The following ANKFN1 variants were observed in gnomAD, a reference collection of about 807,000 sequenced individuals.
ANKFN1 encodes the protein ankyrin repeat and fibronectin type III domain containing 1.
A neutral mutation model predicts 108.7 loss-of-function variants in ANKFN1; 74 were observed. That is an observed-to-expected ratio of 0.68 (90% CI 0.56 to 0.83). The LOEUF (loss-of-function observed/expected upper bound fraction) is 0.83, where lower values mean the gene tolerates loss of function less well. Ranked by LOEUF, ANKFN1 falls within the 40% of genes least tolerant of loss-of-function variation. The probability of loss-of-function intolerance (pLI) is 0.00; values close to 1 mark genes in which losing one functional copy is unlikely to be tolerated. For synonymous variants in ANKFN1, 547 were observed against 516.2 expected, an observed-to-expected ratio of 1.06 and a Z score of -0.81; for missense variants, 1,505 against 1,382.3, an observed-to-expected ratio of 1.09 and a Z score of -1.41.
intron 8 of ANKFN1, among the ~76,000 whole-genome samples, chr17:56,404,345 G>A (rs1299182567): frequency 6.6e-6 from 1 of 152,026 alleles, no homozygotes; most frequent in Non-Finnish European, 1.5e-5. Flanking sequence ...CTTCTTGGAG[G>A]CCTTGTTCAT....
chr17:56,428,998 C>G (rs2048667312), intron 8 of ANKFN1, among the ~76,000 whole-genome samples: 1 of 151,798 alleles, frequency 6.6e-6, no homozygotes, highest in Non-Finnish European at 1.5e-5. Flanking sequence ...GAGTTAGGTG[C>G]AGAGTCTGCA....
At chr17:56,246,699 T>C (rs139219446) in intron 3 of ANKFN1, among the ~76,000 whole-genome samples, 1 of 151,642 alleles carries the variant, frequency 6.6e-6, no homozygotes, top group East Asian at 1.9e-4. Context: ...TACAATTCCA[T>C]AAAAAAACAA....
intron 1 of ANKFN1, among the ~76,000 whole-genome samples, chr17:56,169,094 A>T (rs1229585525): frequency 6.6e-6 from 1 of 152,124 alleles, no homozygotes; most frequent in Non-Finnish European, 1.5e-5. Context: ...AGAGAGCATC[A>T]AAGAGGCATA....
rs2051729933 is a variant in ANKFN1, at chr17:56,510,830, A to C, written c.3002A>C (p.Lys1001Thr). ...CCGCTAGGCTTCCTGGGAAAGCGGAAGCCAGGCAAGCACCCCCACTATGGC... is the reference window on the plus strand; with the variant it reads ...CCGCTAGGCTTCCTGGGAAAGCGGACGCCAGGCAAGCACCCCCACTATGGC... The part of the protein sequence containing the change: ...RPPLGFLGKR[K>T]PGKHPHYGGF... Residue 1001 changes from lysine (K) to threonine (T), a missense_variant, in exon 21 of 21, where the codon AAG (lysine) becomes ACG (threonine). Transcript: ENST00000682825. The C allele has an allele frequency of 2.0e-6, 3 of 1,536,040 alleles. No individual in the cohort carries two copies. Among genetic ancestry groups the C allele is most frequent in the Non-Finnish European group, 2.6e-6 (3 of 1,146,916 alleles).
intron 16 of ANKFN1, 41 bp from the exon 17 acceptor site, chr17:56,480,627 C>A (rs769885473): frequency 1.4e-5 from 23 of 1,605,434 alleles, no homozygotes; most frequent in South Asian, 5.5e-5. Flanking sequence ...GTGTTCTGAA[C>A]TTTTGTTATA....
At chr17:56,047,559 T>C (rs1307503791) in intron 4 of ANKFN1, among the ~76,000 whole-genome samples, 2 of 152,088 alleles carry the variant, frequency 1.3e-5, no homozygotes, top group Non-Finnish European at 2.9e-5. Context: ...CAAGTTGCTA[T>C]GGGACATAAA....
intron 1 of ANKFN1, among the ~76,000 whole-genome samples, chr17:56,154,635 C>CAA (rs1908917286): frequency 7.2e-6 from 1 of 139,274 alleles, no homozygotes; most frequent in African/African-American, 2.6e-5. Context: ...AACCAATATG[C>CAA]CAACACCAAA....
chr17:56,160,946 G>T (rs930017273), intron 1 of ANKFN1, among the ~76,000 whole-genome samples: 1 of 152,226 alleles, frequency 6.6e-6, no homozygotes, highest in Admixed American at 6.5e-5. Context: ...GAACCTTGGG[G>T]TGTGAAGTTG....
chr17:56,210,970 C>G (rs1277082986), intron 1 of ANKFN1, among the ~76,000 whole-genome samples: 8 of 152,188 alleles, frequency 5.3e-5, no homozygotes, highest in Non-Finnish European at 1.2e-4. Context: ...GACACAGAGC[C>G]AAACCATATC....
intron 3 of ANKFN1, among the ~76,000 whole-genome samples, chr17:56,259,284 T>C (rs951489375): frequency 6.6e-6 from 1 of 152,166 alleles, no homozygotes; most frequent in African/African-American, 2.4e-5. Flanking sequence ...ATTTACAAAC[T>C]CTGTAATATT....
At chr17:56,340,381 G>A (rs1279547792) in intron 4 of ANKFN1, among the ~76,000 whole-genome samples, 2 of 152,020 alleles carry the variant, frequency 1.3e-5, no homozygotes, top group Non-Finnish European at 2.9e-5. Context: ...ATTTGCCCAT[G>A]CCTATGTCCT....
At chr17:56,121,956 G>A (rs976991651) in intron 4 of ANKFN1, among the ~76,000 whole-genome samples, 3 of 152,156 alleles carry the variant, frequency 2.0e-5, no homozygotes, top group African/African-American at 7.2e-5. Flanking sequence ...GGGTTGCTGG[G>A]GGGAGGTAGT....
At chr17:56,162,524 G>T (rs921166837) in intron 1 of ANKFN1, among the ~76,000 whole-genome samples, 1 of 152,164 alleles carries the variant, frequency 6.6e-6, no homozygotes, top group African/African-American at 2.4e-5. Context: ...TCATATTGGA[G>T]TAGGGTCCAC....
At chr17:56,107,184 G>A (rs1262889228) in intron 4 of ANKFN1, among the ~76,000 whole-genome samples, 8 of 152,284 alleles carry the variant, frequency 5.3e-5, no homozygotes, top group Middle Eastern at 3.4e-3. Context: ...CAGGAGTTTG[G>A]GCGCTGGCTG....
At chr17:56,334,419 A>T (rs1394511064) in intron 4 of ANKFN1, among the ~76,000 whole-genome samples, 1 of 152,160 alleles carries the variant, frequency 6.6e-6, no homozygotes, top group Non-Finnish European at 1.5e-5. Context: ...AAATGGTTTC[A>T]TGAGTGAACA....
chr17:56,374,976 A>G (rs960395159), intron 8 of ANKFN1, among the ~76,000 whole-genome samples: 1 of 152,156 alleles, frequency 6.6e-6, no homozygotes, highest in South Asian at 2.1e-4. Context: ...TTTGCAGAGG[A>G]CTTGCTCTAT....
At chr17:56,383,435 C>T (rs906500970) in intron 8 of ANKFN1, among the ~76,000 whole-genome samples, 1 of 151,982 alleles carries the variant, frequency 6.6e-6, no homozygotes, top group Non-Finnish European at 1.5e-5. Flanking sequence ...AAAGCAAGAG[C>T]AAACACATTC....
intron 3 of ANKFN1, among the ~76,000 whole-genome samples, chr17:56,283,827 A>G (rs575943534): frequency 8.5e-5 from 13 of 152,190 alleles, no homozygotes; most frequent in African/African-American, 3.1e-4. Context: ...AAATCTCACA[A>G]ATCACCACTG....
intron 3 of ANKFN1, among the ~76,000 whole-genome samples, chr17:56,288,164 A>C (rs1196444783): frequency 1.3e-5 from 2 of 152,196 alleles, no homozygotes; most frequent in Non-Finnish European, 2.9e-5. Context: ...CAAAAAATGA[A>C]AAAGATATAC....
Sources: gnomAD v4.1 joint callset for allele counts (sites outside exome capture counted in the v4.1 genomes callset) on GRCh38, gnomAD v4.1.1 for gene constraint, MANE v1.5 for transcripts, NCBI Gene and HGNC (gene_info 2026-07-23, HGNC 2026-07-21) for gene names.